Variants in MAD2L2 observed in about 807,000 individuals in gnomAD.
MAD2L2 encodes the protein mitotic arrest deficient 2 like 2.
Under a neutral mutation model 30.5 loss-of-function variants are expected in MAD2L2, and 17 were observed. That is an observed-to-expected ratio of 0.56 (90% confidence interval 0.38 to 0.84). The LOEUF (loss-of-function observed/expected upper bound fraction) is 0.84. MAD2L2 is among the 40% of genes least tolerant of loss of function. The pLI is 0.00. For synonymous variants in MAD2L2, 101 were observed against 113.9 expected (o/e 0.89, Z 0.72); for missense variants, 213 against 277.4 (o/e 0.77, Z 1.65).
upstream of MAD2L2, among the ~76,000 whole-genome samples, chr1:11,685,731 C>T (rs1439515219): frequency 1.3e-5 from 2 of 151,878 alleles, no homozygotes; most frequent in African/African-American, 2.4e-5. Flanking sequence ...CCAAGGTGGA[C>T]GGACCACTTG....
upstream of MAD2L2, among the ~76,000 whole-genome samples, chr1:11,682,659 C>T (rs1245744256): frequency 1.3e-5 from 2 of 152,194 alleles, no homozygotes; most frequent in African/African-American, 4.8e-5. Context: ...GGGTGCACAG[C>T]AGGGCACTGG....
upstream of MAD2L2, among the ~76,000 whole-genome samples, chr1:11,682,291 C>T (rs939454277): frequency 2.6e-5 from 4 of 152,148 alleles, no homozygotes; most frequent in African/African-American, 9.7e-5. Context: ...GAAGCAGCTA[C>T]GGAGTTAGTG....
At chr1:11,677,705 C>A (rs1557678964) in intron 3 of MAD2L2, 91 bp from the exon 4 acceptor site, 2 of 1,035,312 alleles carry the variant, frequency 1.9e-6, no homozygotes, top group African/African-American at 3.2e-5. Flanking sequence ...CATCTGCCTT[C>A]GGTCCGAGGC....
At chr1:11,678,268 A>G (rs9430205) in intron 3 of MAD2L2, among the ~76,000 whole-genome samples, 96,909 of 151,554 alleles carry the variant, frequency 0.64, 33,164 homozygotes, top group African/African-American at 0.9. Flanking sequence ...TACAAAAATT[A>G]GCCAGGTGAG....
At chr1:11,685,962 CAAAT>C (rs1200575611), upstream of MAD2L2, among the ~76,000 whole-genome samples, 5 of 151,200 alleles carry the variant, frequency 3.3e-5, no homozygotes, top group African/African-American at 7.3e-5. Flanking sequence ...AAAAAATAAA[CAAAT>C]AAATAAAGTG....
At chr1:11,680,505 G>T (rs1297983356) in intron 2 of MAD2L2, 34 bp from the exon 3 acceptor site, 2 of 1,611,502 alleles carry the variant, frequency 1.2e-6, no homozygotes, top group Admixed American at 3.3e-5. Context: ...GCGCGCTCGA[G>T]GAAGCCCGCC....
chr1:11,676,029 G>A lies in MAD2L2; in HGVS notation c.427+17C>T, dbSNP rs769764556. On this transcript the variant is annotated intron_variant, in intron 6 of 8. Coordinates refer to ENST00000376692, the MANE Select transcript of MAD2L2 (RefSeq NM_006341.4). ...CATGGAAATGCCAAGGGAAGAGAGG[G>A]TGGGGAGTGGACACACCTGGGGGGT... is the stretch of plus-strand genomic sequence containing the variant. 8 of 1,604,504 alleles carry A rather than the reference G, an allele frequency of 5.0e-6. No homozygotes were observed. In the Admixed American group the frequency reaches 8.3e-5, roughly 17 times the overall value.
rs766981615 is a variant in MAD2L2 at position 11,675,978 on chromosome 1, G to A, written c.427+68C>T. 3.0e-6 allele frequency: 4 copies of A among 1,344,410 alleles called. No individual in the cohort carries two copies. The African/African-American group carries it at 4.3e-5, about 15-fold the overall frequency. 83.3% of individuals were successfully genotyped at this position (1,344,410 alleles called of 1,614,324 possible). A position where few individuals can be genotyped will look rare whatever the true frequency, so the allele number is the denominator to read the frequency against. ...TCTCAGAACAGCCAAACATGGACCT[G>A]GGAACACAGACCAACCCGAGATAAC... On this transcript the variant is annotated intron_variant, in intron 6 of 8. Transcript: ENST00000376692.
chr1:11,691,288 C>T (rs1454976663), intron 1 of MAD2L2: 1 of 152,280 alleles, frequency 6.6e-6, no homozygotes. Flanking sequence ...TTGGGGTCCA[C>T]CGAGGACCGC....
At chr1:11,691,556 T>A (rs1641066973) in exon 1 of MAD2L2, 1 of 151,578 alleles carries the variant, frequency 6.6e-6, no homozygotes, top group Admixed American at 6.6e-5. Flanking sequence ...AGAGCGCAGC[T>A]GGCGAGGGCG....
At position 11,674,923 on chromosome 1, in the gene MAD2L2, G is replaced by GCCA. The variant is rs1221815988; in HGVS notation, c.595-108_595-107insTGG. On this transcript the variant is annotated intron_variant, in intron 8 of 8. Coordinates refer to ENST00000376692, the MANE Select transcript of MAD2L2 (RefSeq NM_006341.4). This position sits in a 1 kb window ranked among gnomAD's most constrained non-coding sequence, Gnocchi z 6.1. Reference sequence around the variant, plus strand: ...AGACCTCCACCACAGGTGGGGCCTCGTGGCCATAGCCATGGTGGAGAAGAG... The same window carrying GCCA: ...AGACCTCCACCACAGGTGGGGCCTCGCCATGGCCATAGCCATGGTGGAGAAGAG... 7.1e-7 allele frequency: 1 copy of GCCA among 1,408,762 alleles called. No homozygotes were observed. Among genetic ancestry groups the GCCA allele is most frequent in the African/African-American group, 1.4e-5 (1 of 70,856 alleles). The allele number at this position is 1,408,762 out of a possible 1,614,324, so 87.3% of individuals were successfully genotyped here. A position where few individuals can be genotyped will look rare whatever the true frequency, so the allele number is the denominator to read the frequency against.
Position 11,674,938 on chromosome 1 carries a change from G to A in MAD2L2, c.595-122C>T. On this transcript the variant is annotated intron_variant, in intron 8 of 8. Transcript: ENST00000376692. The surrounding 1 kb of genome is among the most constrained non-coding windows in gnomAD (Gnocchi z 6.1). The stretch of plus-strand genomic sequence containing the variant: ...GTGGGGCCTCGTGGCCATAGCCATG[G>A]TGGAGAAGAGTAGAGATGGGAGGAG... The A allele has an allele frequency of 7.4e-7, 1 of 1,342,464 alleles. No homozygotes were observed. The highest frequency in any genetic ancestry group is 1.1e-6 in the Non-Finnish European group (1 of 945,592). 83.2% of individuals were successfully genotyped at this position (1,342,464 alleles called of 1,614,324 possible).
intron 4 of MAD2L2, chr1:11,677,322 G>A (rs1020176371): frequency 9.3e-5 from 56 of 599,938 alleles, no homozygotes; most frequent in Non-Finnish European, 1.2e-4. Flanking sequence ...GCTCCAACCC[G>A]GGCTCCCAGG....
chr1:11,682,956 A>T (rs1640901181), upstream of MAD2L2, among the ~76,000 whole-genome samples: 1 of 152,166 alleles, frequency 6.6e-6, no homozygotes, highest in South Asian at 2.1e-4. Flanking sequence ...GCTTATACAC[A>T]GAGTTCCGTG....
At position 11,676,186 on chromosome 1, in the gene MAD2L2, C is replaced by A. The variant is rs952916219; in HGVS notation, c.333-46G>T. On this transcript the variant is annotated intron_variant, in intron 5 of 8. Coordinates refer to ENST00000376692, the MANE Select transcript of MAD2L2 (RefSeq NM_006341.4). ...TCCCATCACACTGGCGCCCTCCCCTCCACCACAGGCATCAAGCCTGGATGC... is the reference window on the plus strand; with the variant it reads ...TCCCATCACACTGGCGCCCTCCCCTACACCACAGGCATCAAGCCTGGATGC... 8 of 1,291,836 alleles carry A rather than the reference C, an allele frequency of 6.2e-6. No homozygotes were observed. The African/African-American group carries it at 1.0e-4, about 17-fold the overall frequency. 80.0% of individuals were successfully genotyped at this position (1,291,836 alleles called of 1,614,324 possible).
In MAD2L2 at chr1:11,676,143, G is replaced by C; in HGVS notation, c.333-3C>G. ...CATGAGACAACAGCGAGTCTGAGCTGGGAGTGAGAGGAGGTCTTCCCATCA... is the reference window on the plus strand; with the variant it reads ...CATGAGACAACAGCGAGTCTGAGCTCGGAGTGAGAGGAGGTCTTCCCATCA... On this transcript the variant is annotated splice_region_variant and splice_polypyrimidine_tract_variant and intron_variant, in intron 5 of 8. Transcript: ENST00000376692. The C allele has an allele frequency of 6.3e-7, 1 of 1,583,820 alleles. No homozygotes were observed. The highest frequency in any genetic ancestry group is 8.6e-7 in the Non-Finnish European group (1 of 1,161,202).
rs2233027 is a variant in MAD2L2, at chr1:11,675,205, C to A, written c.502-31G>T. The A allele has an allele frequency of 1.2e-5, 18 of 1,497,714 alleles. No individual in the cohort carries two copies. The Admixed American group carries it at 3.6e-4, about 30-fold the overall frequency. The allele number at this position is 1,497,714 out of a possible 1,614,324, so 92.8% of individuals were successfully genotyped here. A position where few individuals can be genotyped will look rare whatever the true frequency, so the allele number is the denominator to read the frequency against. ...GAGGAGACAAAGGTCAGGGGGGTGA[C>A]GGGGCTGGGCCCTGGCCTGCCCTCA... On this transcript the variant is annotated intron_variant, in intron 7 of 8. Transcript: ENST00000376692.
At chr1:11,677,929 G>T (rs1426195889) in intron 3 of MAD2L2, among the ~76,000 whole-genome samples, 2 of 151,502 alleles carry the variant, frequency 1.3e-5, no homozygotes, top group Admixed American at 6.6e-5. Context: ...ATGGTGGCAG[G>T]CACCTTAGTC....
chr1:11,686,807 T>TAAAAA (rs560855200), intron 1 of MAD2L2, among the ~76,000 whole-genome samples: 1 of 104,498 alleles, frequency 9.6e-6, no homozygotes, highest in Admixed American at 1.1e-4. Flanking sequence ...ACTGCCACTT[T>TAAAAA]AAAAAAAAAA....
Sources: allele counts gnomAD v4.1 joint callset (sites outside exome capture counted in the v4.1 genomes callset), GRCh38; gene constraint gnomAD v4.1.1; non-coding constraint Gnocchi (gnomAD v3.1); transcripts MANE v1.5; gene names NCBI Gene and HGNC (gene_info 2026-07-23, HGNC 2026-07-21).